The following PAPOLA variants were observed in gnomAD, a reference collection of about 807,000 sequenced individuals.
PAPOLA encodes the protein poly(A) polymerase alpha.
PAPOLA carries 15 observed loss-of-function variants against 100.6 expected under a neutral mutation model. The observed-to-expected ratio is 0.15, with a 90% CI of 0.10 to 0.23. The LOEUF is 0.23. Ranked by LOEUF, PAPOLA falls within the 10% of genes least tolerant of loss-of-function variation. PAPOLA has a pLI of 1.00. For missense variants in PAPOLA, 533 were observed against 884.2 expected (o/e 0.60, Z 5.04); for synonymous variants, 293 against 300.0 (o/e 0.98, Z 0.24).
chr14:96,522,112 C>CTTTTT lies in PAPOLA; in HGVS notation c.249+1043_249+1044insTTTTT, dbSNP rs1350167869. On this transcript the variant is annotated intron_variant, in intron 3 of 21. Coordinates refer to ENST00000216277, the MANE Select transcript of PAPOLA (RefSeq NM_032632.5). ...GCCACTGCATCTAGCCTCTTTCTTT[C>CTTTTT]TTTCTTTTTTTTTTTTTTTTTTTTT... Among the ~76,000 whole-genome samples the CTTTTT allele has an allele frequency of 4.4e-3, 433 of 98,488 alleles. 10 individuals carry two copies. Among genetic ancestry groups the CTTTTT allele is most frequent in the African/African-American group, 5.4e-3 (107 of 19,654 alleles). The allele number at this position is 98,488 out of a possible 152,430, so 64.6% of individuals were successfully genotyped here.
At chr14:96,503,589 A>G (rs1896493248) in intron 1 of PAPOLA, among the ~76,000 whole-genome samples, 1 of 151,914 alleles carries the variant, frequency 6.6e-6, no homozygotes. Context: ...ATTTTTGAAT[A>G]TTGAAGCGTA....
intron 14 of PAPOLA, 29 bp from the exon 15 acceptor site, chr14:96,544,120 A>G (rs1318301518): frequency 8.6e-7 from 1 of 1,161,790 alleles, no homozygotes; most frequent in Non-Finnish European, 1.3e-6. Context: ...TGAAATCCAG[A>G]TAAACTATGG....
At chr14:96,532,199 T>G (rs772700658) in intron 7 of PAPOLA, 132 bp from the exon 8 acceptor site, 66 of 1,409,948 alleles carry the variant, frequency 4.7e-5, no homozygotes, top group Non-Finnish European at 5.3e-5. Flanking sequence ...TTATGTTTAC[T>G]TTTAACTTCA....
chr14:96,528,025 T>G lies in PAPOLA; in HGVS notation c.495+19T>G, dbSNP rs1034241633. 3.9e-6 allele frequency: 6 copies of G among 1,541,802 alleles called. No homozygotes were observed. The highest frequency in any genetic ancestry group is 1.4e-5 in the African/African-American group (1 of 73,550). Reference sequence around the variant, plus strand: ...GATAGAGGTAAGGTATAGTTCAAATTGACAGTTCTTGCTATGTGCTGTCAC... The same window carrying G: ...GATAGAGGTAAGGTATAGTTCAAATGGACAGTTCTTGCTATGTGCTGTCAC... On this transcript the variant is annotated intron_variant, in intron 6 of 21. Transcript: ENST00000216277.
intron 12 of PAPOLA, among the ~76,000 whole-genome samples, chr14:96,541,111 A>T (rs1899952010): frequency 6.6e-6 from 1 of 152,038 alleles, no homozygotes; most frequent in Non-Finnish European, 1.5e-5. Context: ...GGATGGTCTC[A>T]TCTCCTGACC....
At chr14:96,547,365 A>C (rs900596978) in intron 15 of PAPOLA, among the ~76,000 whole-genome samples, 2 of 152,116 alleles carry the variant, frequency 1.3e-5, no homozygotes, top group Admixed American at 6.6e-5. Context: ...TATCTTGCAG[A>C]TTCTTGTAAA....
In PAPOLA at chr14:96,565,062, G is replaced by A; in HGVS notation, c.*12G>A. 7.4e-7 allele frequency: 1 copy of A among 1,351,170 alleles called. No homozygotes were observed. Among genetic ancestry groups the A allele is most frequent in the South Asian group, 1.2e-5 (1 of 85,664 alleles). The allele number at this position is 1,351,170 out of a possible 1,614,324, so 83.7% of individuals were successfully genotyped here. On this transcript the variant is annotated 3_prime_UTR_variant, in exon 22 of 22. Coordinates refer to ENST00000216277, the MANE Select transcript of PAPOLA (RefSeq NM_032632.5). ...GATTGAATCGGTAAAAACAACCTCA[G>A]GGGTCCATAAACAATATCTGCCAAC...
Position 96,555,898 on chromosome 14 carries a change from G to T in PAPOLA, c.1716G>T (p.Gln572His). Residue 572 changes from glutamine (Q) to histidine (H), a missense_variant, in exon 18 of 22, where the codon CAG becomes CAT. Physicochemically the swap from Gln to His is conservative, Grantham distance 24 (BLOSUM62 0). Transcript: ENST00000216277. ...CAGCAGCATCTGTGACCAACATACA[G>T]GCTACTGAAGTTTCTGTGCCACAAG... The part of the protein sequence containing the change: ...AVTAASVTNI[Q>H]ATEVSVPQVN... The T allele has an allele frequency of 6.2e-7, 1 of 1,611,488 alleles. No individual in the cohort carries two copies. The highest frequency in any genetic ancestry group is 8.5e-7 in the Non-Finnish European group (1 of 1,178,162).
chr14:96,565,047 G>T lies in PAPOLA; in HGVS notation c.2235G>T (p.Arg745=), dbSNP rs147844097. The T allele has an allele frequency of 4.1e-5, 63 of 1,518,714 alleles. No individual in the cohort carries two copies. Among genetic ancestry groups the T allele is most frequent in the Non-Finnish European group, 5.5e-5 (60 of 1,093,504 alleles). 94.1% of individuals were successfully genotyped at this position (1,518,714 alleles called of 1,614,324 possible). Residue 745 remains arginine (R), a synonymous_variant, in exon 22 of 22, where the codon CGG becomes CGT. Transcript: ENST00000216277. ...ATTCAATAAAACTGAGATTGAATCG[G>T]TAAAAACAACCTCAGGGGTCCATAA... ...IKNSIKLRLN[R]
intron 10 of PAPOLA, chr14:96,534,786 A>G (rs531832689): frequency 7.7e-7 from 1 of 1,293,658 alleles, no homozygotes; most frequent in Admixed American, 3.6e-5. Flanking sequence ...CATAGTTTTT[A>G]ATACAGATTT....
chr14:96,542,709 CA>C (rs1271900876), intron 13 of PAPOLA, 64 bp from the exon 14 acceptor site: 8 of 1,455,236 alleles, frequency 5.5e-6, no homozygotes, highest in Admixed American at 4.4e-5. Context: ...CTGGTATGTG[CA>C]TTTTATTTAT....
At position 96,532,519 on chromosome 14, in the gene PAPOLA, A is replaced by T; in HGVS notation, c.706A>T (p.Ile236Phe). ...TTTTCCCTTATCAACAGGCCACAAC[A>T]TCTATTCCAATATATTAGGTTTCCT... ...AIKLWAKRHN[I>F]YSNILGFLGG... Residue 236 changes from isoleucine (I) to phenylalanine (F), a missense_variant, in exon 9 of 22, where the codon ATC becomes TTC. By Grantham distance (21) the Ile-to-Phe change is conservative. Coordinates refer to ENST00000216277, the MANE Select transcript of PAPOLA (RefSeq NM_032632.5). 1 of 1,607,566 alleles carries T rather than the reference A, an allele frequency of 6.2e-7. No homozygotes were observed. Among genetic ancestry groups the T allele is most frequent in the Non-Finnish European group, 8.5e-7 (1 of 1,178,100 alleles).
At chr14:96,515,069 A>G (rs949930276) in intron 1 of PAPOLA, among the ~76,000 whole-genome samples, 2 of 152,232 alleles carry the variant, frequency 1.3e-5, no homozygotes, top group African/African-American at 4.8e-5. Flanking sequence ...ACCATGTGAC[A>G]AAGGAGTGGA....
chr14:96,523,622 G>A (rs1898204619), intron 3 of PAPOLA, among the ~76,000 whole-genome samples: 1 of 152,168 alleles, frequency 6.6e-6, no homozygotes, highest in South Asian at 2.1e-4. Context: ...CTAAACATAG[G>A]AAGACAAAGG....
chr14:96,514,085 A>G (rs1897273455), intron 1 of PAPOLA, among the ~76,000 whole-genome samples: 1 of 152,082 alleles, frequency 6.6e-6, no homozygotes, highest in South Asian at 2.1e-4. Flanking sequence ...TTATCAGTAT[A>G]TGTCCAAAGA....
At chr14:96,509,332 A>G (rs1016180951) in intron 1 of PAPOLA, among the ~76,000 whole-genome samples, 1 of 152,230 alleles carries the variant, frequency 6.6e-6, no homozygotes, top group African/African-American at 2.4e-5. Flanking sequence ...ATGCCTGGCC[A>G]GTTGGAATCT....
chr14:96,555,884 G>A lies in PAPOLA; in HGVS notation c.1702G>A (p.Val568Met), dbSNP rs1163282197. 2 of 1,607,752 alleles carry A rather than the reference G, an allele frequency of 1.2e-6. No homozygotes were observed. Among genetic ancestry groups the A allele is most frequent in the Non-Finnish European group, 1.7e-6 (2 of 1,176,430 alleles). ...TGCTCCAGCTGTAACAGCAGCATCT[G>A]TGACCAACATACAGGCTACTGAAGT... ...SPAPAVTAAS[V>M]TNIQATEVSV... Residue 568 changes from valine (V) to methionine (M), a missense_variant, in exon 18 of 22, where the codon GTG becomes ATG. By Grantham distance (21) the Val-to-Met change is conservative. Coordinates refer to ENST00000216277, the MANE Select transcript of PAPOLA (RefSeq NM_032632.5).
In PAPOLA at chr14:96,566,046, T is replaced by C. The variant is rs1595567137; in HGVS notation, c.*996T>C. The C allele has an allele frequency of 2.5e-6, 1 of 396,444 alleles. No individual in the cohort carries two copies. Among genetic ancestry groups the C allele is most frequent in the Non-Finnish European group, 4.5e-6 (1 of 224,592 alleles). The allele number at this position is 396,444 out of a possible 1,614,324, so 24.6% of individuals were successfully genotyped here. A position where few individuals can be genotyped will look rare whatever the true frequency, so the allele number is the denominator to read the frequency against. Reference sequence around the variant, plus strand: ...TGAGGGTGACTAAAAGTAATGCCTGTGAAACATGATATCTATCTGGGATGG... The same window carrying C: ...TGAGGGTGACTAAAAGTAATGCCTGCGAAACATGATATCTATCTGGGATGG... On this transcript the variant is annotated 3_prime_UTR_variant, in exon 22 of 22. Transcript: ENST00000216277.
chr14:96,530,577 T>C (rs553319003), intron 6 of PAPOLA, among the ~76,000 whole-genome samples: 1 of 151,784 alleles, frequency 6.6e-6, no homozygotes, highest in African/African-American at 2.4e-5. Context: ...TTTGTAGAGA[T>C]GGAGTCTCAC....
Sources: allele counts gnomAD v4.1 joint callset (sites outside exome capture counted in the v4.1 genomes callset), GRCh38; gene constraint gnomAD v4.1.1; transcripts MANE v1.5; gene names NCBI Gene and HGNC (gene_info 2026-07-23, HGNC 2026-07-21).